The following ANKDD1B variants were observed in gnomAD, a reference collection of about 807,000 sequenced individuals.
ANKDD1B encodes the protein ankyrin repeat and death domain containing 1B.
Under a neutral mutation model 59.7 loss-of-function variants are expected in ANKDD1B, and 57 were observed. The observed-to-expected ratio is 0.95, with a 90% CI of 0.77 to 1.19. ANKDD1B has a LOEUF of 1.19. Ranked by LOEUF, ANKDD1B falls within the 50% of genes most tolerant of loss-of-function variation. The pLI, the probability that ANKDD1B is intolerant of heterozygous loss-of-function variation, is 0.00. For missense variants in ANKDD1B, 602 were observed against 641.9 expected, an observed-to-expected ratio of 0.94 and a Z score of 0.67; for synonymous variants, 216 against 239.5, an observed-to-expected ratio of 0.90 and a Z score of 0.91.
At chr5:75,648,380 A>C (rs1774716985) in intron 7 of ANKDD1B, among the ~76,000 whole-genome samples, 1 of 151,702 alleles carries the variant, frequency 6.6e-6, no homozygotes, top group South Asian at 2.1e-4. Context: ...CCCAGTCGGT[A>C]TCCCCCTTCA....
chr5:75,635,684 CA>C, intron 6 of ANKDD1B, 99 bp from the exon 7 acceptor site: 2 of 712,054 alleles, frequency 2.8e-6, no homozygotes, highest in Non-Finnish European at 4.4e-6. Flanking sequence ...CAGCTTTAAC[CA>C]AAATGAAAAC....
At chr5:75,663,315 C>T (rs1465083673) in intron 10 of ANKDD1B, 79 bp from the exon 11 acceptor site, 31 of 1,067,786 alleles carry the variant, frequency 2.9e-5, no homozygotes, top group Admixed American at 1.0e-4. Flanking sequence ...AGATTTGAAC[C>T]GAGGCCCCCT....
chr5:75,638,045 T>C lies in ANKDD1B; in HGVS notation c.798+2163T>C, dbSNP rs1018627654. ...TTGTAAAGGCCACCTCTTAATCTTA[T>C]TGCATTGGGGATTTAAGTTTCAACA... On this transcript the variant is annotated intron_variant, in intron 7 of 13. Coordinates refer to ENST00000601380, the MANE Select transcript of ANKDD1B (RefSeq NM_001276713.2). Among the ~76,000 whole-genome samples the C allele has an allele frequency of 3.9e-5, 6 of 152,312 alleles. No homozygotes were observed. In the East Asian group the frequency reaches 1.2e-3, roughly 29 times the overall value.
intron 7 of ANKDD1B, among the ~76,000 whole-genome samples, chr5:75,652,803 T>G (rs1045043578): frequency 6.6e-6 from 1 of 152,228 alleles, no homozygotes; most frequent in Non-Finnish European, 1.5e-5. Flanking sequence ...GAGGAATGCC[T>G]GATTTCATTG....
In ANKDD1B at chr5:75,626,997, T is replaced by C. The variant is rs1040832051; in HGVS notation, c.600+1042T>C. On this transcript the variant is annotated intron_variant, in intron 5 of 13. Coordinates refer to ENST00000601380, the MANE Select transcript of ANKDD1B (RefSeq NM_001276713.2). ...TTTAAAAATTTTGACATTTGTTTTC[T>C]GACCTTAATCTTAAAAACAACAATA... Among the ~76,000 whole-genome samples the C allele has an allele frequency of 3.3e-5, 5 of 152,248 alleles. No individual in the cohort carries two copies. In the South Asian group the frequency reaches 8.3e-4, roughly 25 times the overall value.
At chr5:75,613,460 A>G (rs537704645) in intron 1 of ANKDD1B, among the ~76,000 whole-genome samples, 1 of 152,222 alleles carries the variant, frequency 6.6e-6, no homozygotes, top group Non-Finnish European at 1.5e-5. Flanking sequence ...GGCCTTTCCT[A>G]GGTACAGGGA....
At chr5:75,612,557 T>C (rs550287986) in intron 1 of ANKDD1B, among the ~76,000 whole-genome samples, 2 of 152,074 alleles carry the variant, frequency 1.3e-5, no homozygotes, top group African/African-American at 2.4e-5. Flanking sequence ...TTCATCAATA[T>C]AGTGTTCATT....
chr5:75,656,093 T>TTA lies in ANKDD1B; in HGVS notation c.962_963insTA (p.Leu321PhefsTer11). 1 of 1,527,580 alleles carries TTA rather than the reference T, an allele frequency of 6.5e-7. No homozygotes were observed. The highest frequency in any genetic ancestry group is 1.2e-5 in the South Asian group (1 of 83,564). 94.6% of individuals were successfully genotyped at this position (1,527,580 alleles called of 1,614,324 possible). ...CACATCACGGTTGTAAACAGTTTATTAAGTGCACAGCATGATATTGACATC... is the reference window on the plus strand; with the variant it reads ...CACATCACGGTTGTAAACAGTTTATTTAAAGTGCACAGCATGATATTGACATC... On this transcript the variant is annotated frameshift_variant, in exon 9 of 14. Coordinates refer to ENST00000601380, the MANE Select transcript of ANKDD1B (RefSeq NM_001276713.2). LOFTEE classifies it high-confidence loss of function.
At chr5:75,663,974 C>T (rs1217444619) in intron 11 of ANKDD1B, among the ~76,000 whole-genome samples, 3 of 152,222 alleles carry the variant, frequency 2.0e-5, no homozygotes, top group African/African-American at 4.8e-5. Flanking sequence ...GTCTGTAAGT[C>T]ATTCTTTTTG....
chr5:75,660,857 G>A (rs942214979), intron 10 of ANKDD1B, among the ~76,000 whole-genome samples: 2 of 152,152 alleles, frequency 1.3e-5, no homozygotes, highest in Non-Finnish European at 2.9e-5. Context: ...CTGGTGCTTT[G>A]CTACAACTGT....
In ANKDD1B at chr5:75,640,761, T is replaced by C. The variant is rs544658078; in HGVS notation, c.798+4879T>C. On this transcript the variant is annotated intron_variant, in intron 7 of 13. Coordinates refer to ENST00000601380, the MANE Select transcript of ANKDD1B (RefSeq NM_001276713.2). The stretch of plus-strand genomic sequence containing the variant: ...TGGGAAGGAGACTTAAAATGTTCTT[T>C]GGAAACACTGGTCCTACATTGATCC... 2.6e-5 allele frequency among the ~76,000 whole-genome samples: 4 copies of C among 152,334 alleles called. No individual in the cohort carries two copies. In the South Asian group the frequency reaches 8.3e-4, roughly 32 times the overall value.
At chr5:75,642,282 C>G (rs1333372916) in intron 7 of ANKDD1B, among the ~76,000 whole-genome samples, 1 of 152,020 alleles carries the variant, frequency 6.6e-6, no homozygotes, top group African/African-American at 2.4e-5. Context: ...GTCTACAGCT[C>G]CCAGCGTGAG....
chr5:75,629,734 A>G (rs1026010017), intron 5 of ANKDD1B, among the ~76,000 whole-genome samples: 1 of 152,062 alleles, frequency 6.6e-6, no homozygotes, highest in Non-Finnish European at 1.5e-5. Flanking sequence ...CAGGAGTTTG[A>G]GAACTAGCCT....
At chr5:75,663,834 G>T (rs1292115585) in intron 11 of ANKDD1B, among the ~76,000 whole-genome samples, 1 of 152,190 alleles carries the variant, frequency 6.6e-6, no homozygotes, top group Non-Finnish European at 1.5e-5. Flanking sequence ...CCAGTAGCAC[G>T]AATGAGTGGT....
intron 5 of ANKDD1B, among the ~76,000 whole-genome samples, chr5:75,630,849 A>G (rs1386208424): frequency 2.6e-5 from 4 of 152,180 alleles, no homozygotes; most frequent in Non-Finnish European, 4.4e-5. Flanking sequence ...TCATAGGTAT[A>G]CTTTTCATAT....
chr5:75,613,991 G>A (rs144589832), intron 1 of ANKDD1B, among the ~76,000 whole-genome samples: 23 of 152,282 alleles, frequency 1.5e-4, no homozygotes, highest in Non-Finnish European at 2.1e-4. Context: ...TTTCTTGTTC[G>A]TGTAGCATGT....
chr5:75,625,747 T>A lies in ANKDD1B; in HGVS notation c.495+2T>A. 1.3e-6 allele frequency: 2 copies of A among 1,536,232 alleles called. No individual in the cohort carries two copies. The highest frequency in any genetic ancestry group is 1.2e-5 in the South Asian group (1 of 84,054). On this transcript the variant is annotated splice_donor_variant, in intron 4 of 13. Coordinates refer to ENST00000601380, the MANE Select transcript of ANKDD1B (RefSeq NM_001276713.2). LOFTEE classifies it high-confidence loss of function. ...GCAGACCAGAGAGCCAAGAATCAGG[T>A]AGGTATGTGGGTCACACCTGGACAA...
At chr5:75,624,515 T>A (rs1156428199) in intron 3 of ANKDD1B, among the ~76,000 whole-genome samples, 1 of 152,200 alleles carries the variant, frequency 6.6e-6, no homozygotes, top group Non-Finnish European at 1.5e-5. Context: ...GGTCACTAAG[T>A]CCTGGTCTCT....
chr5:75,621,494 G>T (rs1773847762), intron 3 of ANKDD1B, among the ~76,000 whole-genome samples: 1 of 151,516 alleles, frequency 6.6e-6, no homozygotes, highest in African/African-American at 2.4e-5. Flanking sequence ...TAAAATTTGT[G>T]TGGGTATATA....
Sources: gnomAD v4.1 joint callset for allele counts (sites outside exome capture counted in the v4.1 genomes callset) on GRCh38, gnomAD v4.1.1 for gene constraint, MANE v1.5 for transcripts, NCBI Gene and HGNC (gene_info 2026-07-23, HGNC 2026-07-21) for gene names.